The following DTNA variants were observed in gnomAD, a reference collection of about 807,000 sequenced individuals.
DTNA encodes dystrophin-related protein 3.
A neutral mutation model predicts 100.7 loss-of-function variants in DTNA; 43 were observed. That is an observed-to-expected ratio of 0.43 (90% CI 0.33 to 0.55). DTNA has a LOEUF of 0.55. DTNA is among the 20% of genes least tolerant of loss of function. The pLI, the probability that DTNA is intolerant of heterozygous loss-of-function variation, is 0.04. For synonymous variants in DTNA, 349 were observed against 347.9 expected, an observed-to-expected ratio of 1.00 and a Z score of -0.04; for missense variants, 798 against 953.9, an observed-to-expected ratio of 0.84 and a Z score of 2.15.
chr18:34,641,678 A>G (rs1289393605), intron 1 of DTNA, among the ~76,000 whole-genome samples: 2 of 152,292 alleles, frequency 1.3e-5, no homozygotes, highest in East Asian at 1.9e-4. Context: ...TTGCGTCTCA[A>G]ATTGAGGCCC....
intron 1 of DTNA, among the ~76,000 whole-genome samples, chr18:34,606,006 G>A (rs936852069): frequency 3.3e-5 from 5 of 151,998 alleles, no homozygotes; most frequent in African/African-American, 1.2e-4. Flanking sequence ...AACAATTTAT[G>A]TACTATTAAT....
chr18:34,881,054 A>G (rs1473599786), intron 20 of DTNA, among the ~76,000 whole-genome samples: 1 of 152,156 alleles, frequency 6.6e-6, no homozygotes, highest in African/African-American at 2.4e-5. Flanking sequence ...AGCTACCAAC[A>G]TGTGACTCAG....
chr18:34,890,739 T>C lies in DTNA; in HGVS notation c.*3005T>C, dbSNP rs2096960713. On this transcript the variant is annotated 3_prime_UTR_variant, in exon 23 of 23. Coordinates refer to ENST00000444659, the MANE Select transcript of DTNA (RefSeq NM_001386795.1). ...TGTGCTGGAGATTGTGAAAAATGGG[T>C]TCTTGAATGATCTACTATAAGGCAG... 1 of 430,806 alleles carries C rather than the reference T, an allele frequency of 2.3e-6. No homozygotes were observed. Among genetic ancestry groups the C allele is most frequent in the Admixed American group, 3.7e-5 (1 of 26,948 alleles). 26.7% of individuals were successfully genotyped at this position (430,806 alleles called of 1,614,324 possible).
Position 34,838,775 on chromosome 18 carries a change from G to A in DTNA, c.1284G>A (p.Arg428=). Residue 428 remains arginine, a synonymous_variant, in exon 13 of 23, where the codon AGG becomes AGA. Transcript: ENST00000444659. ...GIQYSLNVAD[R]LADEHVLIGL... ...AGTACAGCCTGAATGTGGCAGACAGGCTAGCTGATGAACATGTTCTCATCG... is the reference window on the plus strand; with the variant it reads ...AGTACAGCCTGAATGTGGCAGACAGACTAGCTGATGAACATGTTCTCATCG... The A allele has an allele frequency of 4.3e-6, 7 of 1,613,756 alleles. No individual in the cohort carries two copies. The highest frequency in any genetic ancestry group is 5.9e-6 in the Non-Finnish European group (7 of 1,179,790).
chr18:34,644,640 A>G (rs1449119992), intron 1 of DTNA, among the ~76,000 whole-genome samples: 4 of 152,138 alleles, frequency 2.6e-5, no homozygotes, highest in African/African-American at 9.6e-5. Context: ...ACCTCACTTT[A>G]TAATCTGAAA....
At chr18:34,807,850 T>C (rs983532902) in intron 5 of DTNA, among the ~76,000 whole-genome samples, 10 of 149,894 alleles carry the variant, frequency 6.7e-5, no homozygotes, top group African/African-American at 2.5e-4. Flanking sequence ...GAGGGCTTTT[T>C]TTTTTCTTTT....
Position 34,716,120 on chromosome 18 carries a change from C to T in DTNA, c.-2+5675C>T, listed in dbSNP as rs145580061. 5.8e-3 allele frequency among the ~76,000 whole-genome samples: 880 copies of T among 152,246 alleles called. 5 individuals carry two copies. The highest frequency in any genetic ancestry group is 0.02 in the African/African-American group (820 of 41,540). The stretch of plus-strand genomic sequence containing the variant: ...TTGCATATCCTTGGGCCCTACAGTT[C>T]TACTACTAGGAATATGTCCTAACAA... On this transcript the variant is annotated intron_variant, in intron 1 of 22. Transcript: ENST00000444659.
chr18:34,671,329 A>C (rs2076729023), intron 1 of DTNA, among the ~76,000 whole-genome samples: 1 of 152,158 alleles, frequency 6.6e-6, no homozygotes, highest in Admixed American at 6.5e-5. Flanking sequence ...GCTGTCTGTC[A>C]CAGATTTGCT....
At position 34,786,121 on chromosome 18, in the gene DTNA, T is replaced by C. The variant is rs183503695; in HGVS notation, c.149-7916T>C. Among the ~76,000 whole-genome samples the C allele has an allele frequency of 1.2e-3, 184 of 152,340 alleles. 1 individual carries two copies. The highest frequency in any genetic ancestry group is 4.3e-3 in the African/African-American group (179 of 41,566). Reference sequence around the variant, plus strand: ...AAAGTCTACTTGGTGCTTAGAATACTGAATGAAACTTTCCATTTGAGAGTT... The same window carrying C: ...AAAGTCTACTTGGTGCTTAGAATACCGAATGAAACTTTCCATTTGAGAGTT... On this transcript the variant is annotated intron_variant, in intron 3 of 22. Transcript: ENST00000444659.
chr18:34,861,192 G>A (rs2150105421), intron 16 of DTNA, among the ~76,000 whole-genome samples: 1 of 152,182 alleles, frequency 6.6e-6, no homozygotes, highest in Non-Finnish European at 1.5e-5. Context: ...CTAAAAGAAA[G>A]TAGCTTTTAA....
chr18:34,839,744 A>G (rs191951963), intron 13 of DTNA, among the ~76,000 whole-genome samples: 47 of 152,338 alleles, frequency 3.1e-4, no homozygotes, highest in Non-Finnish European at 1.9e-4. Context: ...AAGAAAGCCA[A>G]TGGGTTCAAT....
intron 1 of DTNA, among the ~76,000 whole-genome samples, chr18:34,625,697 G>A (rs1373447662): frequency 2.0e-5 from 3 of 152,200 alleles, no homozygotes; most frequent in Admixed American, 6.5e-5. Context: ...AGAATGTAGA[G>A]GCTCTGAGAG....
At chr18:34,602,637 G>A (rs943448366) in intron 1 of DTNA, among the ~76,000 whole-genome samples, 2 of 151,984 alleles carry the variant, frequency 1.3e-5, no homozygotes, top group Admixed American at 6.6e-5. Context: ...CAGCACATGG[G>A]AGGATCATCA....
intron 1 of DTNA, among the ~76,000 whole-genome samples, chr18:34,619,273 A>G (rs548066033): frequency 3.3e-5 from 5 of 152,264 alleles, no homozygotes; most frequent in Admixed American, 6.5e-5. Flanking sequence ...AAACAGGTTA[A>G]CATTTATACT....
chr18:34,558,876 A>G (rs1393724140), intron 1 of DTNA, among the ~76,000 whole-genome samples: 1 of 152,208 alleles, frequency 6.6e-6, no homozygotes, highest in African/African-American at 2.4e-5. Flanking sequence ...AAGCAATGCT[A>G]AGAGATGAGG....
At chr18:34,768,697 C>T (rs1168044096) in intron 3 of DTNA, among the ~76,000 whole-genome samples, 1 of 152,174 alleles carries the variant, frequency 6.6e-6, no homozygotes, top group Non-Finnish European at 1.5e-5. Flanking sequence ...TCCAGTGGCC[C>T]TTCAGTCTGT....
At chr18:34,722,816 A>G (rs566931916) in intron 1 of DTNA, among the ~76,000 whole-genome samples, 1 of 152,284 alleles carries the variant, frequency 6.6e-6, no homozygotes, top group South Asian at 2.1e-4. Context: ...CAGACAGTAC[A>G]TACTTTTTTG....
intron 17 of DTNA, chr18:34,868,838 C>T: frequency 2.3e-6 from 2 of 878,960 alleles, no homozygotes; most frequent in Non-Finnish European, 2.7e-6. Flanking sequence ...CCTCTTTCTT[C>T]TTTGTGTATC....
At chr18:34,676,367 G>A (rs2077399104) in intron 1 of DTNA, among the ~76,000 whole-genome samples, 1 of 152,130 alleles carries the variant, frequency 6.6e-6, no homozygotes, top group African/African-American at 2.4e-5. Flanking sequence ...GGTACTCTGT[G>A]GTAAGACACT....
Sources: allele counts gnomAD v4.1 joint callset (sites outside exome capture counted in the v4.1 genomes callset), GRCh38; gene constraint gnomAD v4.1.1; transcripts MANE v1.5; gene names NCBI Gene and HGNC (gene_info 2026-07-23, HGNC 2026-07-21).